The following ARHGEF37 variants were observed in gnomAD, a reference collection of about 807,000 sequenced individuals.
ARHGEF37 encodes Rho guanine nucleotide exchange factor 37.
Under a neutral mutation model 71.1 loss-of-function variants are expected in ARHGEF37, and 55 were observed. The observed-to-expected ratio is 0.77, with a 90% CI of 0.62 to 0.97. ARHGEF37 has a LOEUF of 0.97. Ranked by LOEUF, ARHGEF37 falls within the 50% of genes least tolerant of loss-of-function variation. The probability of loss-of-function intolerance (pLI) is 0.00; values close to 1 mark genes in which losing one functional copy is unlikely to be tolerated. For synonymous variants in ARHGEF37, 327 were observed against 350.6 expected, an observed-to-expected ratio of 0.93 and a Z score of 0.75; for missense variants, 765 against 836.8, an observed-to-expected ratio of 0.91 and a Z score of 1.06.
intron 6 of ARHGEF37, 144 bp from the exon 7 acceptor site, chr5:149,618,794 C>A: frequency 1.4e-6 from 1 of 701,732 alleles, no homozygotes; most frequent in Non-Finnish European, 2.6e-6. Context: ...TGAGCTACAC[C>A]ACCCTCTCAG....
chr5:149,601,472 G>A (rs574490206), intron 3 of ARHGEF37, among the ~76,000 whole-genome samples: 1 of 152,270 alleles, frequency 6.6e-6, no homozygotes, highest in Admixed American at 6.5e-5. Flanking sequence ...TTACAGTCAC[G>A]GAATTGTTAG....
chr5:149,562,996 C>T (rs1158642352), intron 1 of ARHGEF37, among the ~76,000 whole-genome samples: 1 of 152,148 alleles, frequency 6.6e-6, no homozygotes, highest in Non-Finnish European at 1.5e-5. Flanking sequence ...CTTGGTGTTC[C>T]ATCAGGGTCT....
In ARHGEF37 at chr5:149,634,527, G is replaced by C. The variant is rs1561815889; in HGVS notation, c.*2336G>C. ...TAAAAATGTATTCAGTAGCACGTGGGTTATGGTTTCTCATAGACCAGGGGA... is the reference window on the plus strand; with the variant it reads ...TAAAAATGTATTCAGTAGCACGTGGCTTATGGTTTCTCATAGACCAGGGGA... On this transcript the variant is annotated 3_prime_UTR_variant, in exon 13 of 13. Coordinates refer to ENST00000333677, the MANE Select transcript of ARHGEF37 (RefSeq NM_001001669.3). 6.6e-6 allele frequency: 1 copy of C among 152,624 alleles called. No individual in the cohort carries two copies. Among genetic ancestry groups the C allele is most frequent in the East Asian group, 1.9e-4 (1 of 5,200 alleles). The allele number at this position is 152,624 out of a possible 1,614,324, so 9.5% of individuals were successfully genotyped here. A position where few individuals can be genotyped will look rare whatever the true frequency, so the allele number is the denominator to read the frequency against.
intron 11 of ARHGEF37, 22 bp downstream of exon 11, chr5:149,627,293 C>A: frequency 6.2e-7 from 1 of 1,604,094 alleles, no homozygotes; most frequent in South Asian, 1.1e-5. Flanking sequence ...TTTGGGAGCC[C>A]TTCTTCTCCT....
At chr5:149,631,882 G>A (rs534275979) in intron 12 of ARHGEF37, 100 bp from the exon 13 acceptor site, 6 of 1,250,278 alleles carry the variant, frequency 4.8e-6, no homozygotes, top group Middle Eastern at 1.9e-4. Context: ...CAATGGGGAC[G>A]AGAGCCAGGT....
intron 1 of ARHGEF37, among the ~76,000 whole-genome samples, chr5:149,594,877 C>T (rs1393554575): frequency 2.0e-5 from 3 of 152,158 alleles, no homozygotes; most frequent in Non-Finnish European, 2.9e-5. Flanking sequence ...ATCTCAGCTA[C>T]TCAGCAATAA....
rs1752541695 is a variant in ARHGEF37 at position 149,621,609 on chromosome 5, A to G, written c.1006-124A>G. ...CCAGAGAAGTTAGATAACATGCTAAAGGTCCCAGCTAGTCAGTGGGAGTTA... is the reference window on the plus strand; with the variant it reads ...CCAGAGAAGTTAGATAACATGCTAAGGGTCCCAGCTAGTCAGTGGGAGTTA... On this transcript the variant is annotated intron_variant, in intron 8 of 12. Transcript: ENST00000333677. 7.9e-6 allele frequency: 7 copies of G among 883,492 alleles called. 1 individual carries two copies. The South Asian group carries it at 1.2e-4, about 15-fold the overall frequency. 54.7% of individuals were successfully genotyped at this position (883,492 alleles called of 1,614,324 possible). A position where few individuals can be genotyped will look rare whatever the true frequency, so the allele number is the denominator to read the frequency against.
chr5:149,596,861 G>T (rs1763562058), intron 1 of ARHGEF37, among the ~76,000 whole-genome samples: 1 of 152,226 alleles, frequency 6.6e-6, no homozygotes, highest in African/African-American at 2.4e-5. Flanking sequence ...CTGGAGTGCA[G>T]TCTGTGAAGG....
intron 4 of ARHGEF37, among the ~76,000 whole-genome samples, chr5:149,615,539 C>T (rs1752351487): frequency 6.6e-6 from 1 of 152,090 alleles, no homozygotes; most frequent in African/African-American, 2.4e-5. Context: ...GATATTATGA[C>T]TTTTTACCCC....
chr5:149,608,977 G>A (rs558220206), intron 3 of ARHGEF37, among the ~76,000 whole-genome samples: 3 of 152,080 alleles, frequency 2.0e-5, no homozygotes, highest in Non-Finnish European at 4.4e-5. Context: ...CTGAGGTCAG[G>A]AATTCAAGAC....
upstream of ARHGEF37, among the ~76,000 whole-genome samples, chr5:149,580,019 G>A (rs1763078050): frequency 1.3e-5 from 2 of 152,040 alleles, no homozygotes; most frequent in South Asian, 4.1e-4. Flanking sequence ...AATCCATAGG[G>A]CTACTTTTTT....
At chr5:149,588,807 G>A (rs1763313521) in intron 1 of ARHGEF37, among the ~76,000 whole-genome samples, 1 of 152,098 alleles carries the variant, frequency 6.6e-6, no homozygotes, top group Non-Finnish European at 1.5e-5. Context: ...TTAAAGCCTT[G>A]GGCAGCTAGC....
chr5:149,591,794 G>C (rs1363966770), intron 1 of ARHGEF37, among the ~76,000 whole-genome samples: 1 of 152,128 alleles, frequency 6.6e-6, no homozygotes, highest in Non-Finnish European at 1.5e-5. Context: ...TTATAAAACA[G>C]ATTTTTGTAT....
At chr5:149,621,545 C>T (rs1198273979) in intron 8 of ARHGEF37, among the ~76,000 whole-genome samples, 188 bp from the exon 9 acceptor site, 1 of 152,224 alleles carries the variant, frequency 6.6e-6, no homozygotes, top group East Asian at 1.9e-4. Context: ...AAGCTCATTA[C>T]ATGCATCGTC....
intron 3 of ARHGEF37, among the ~76,000 whole-genome samples, chr5:149,607,645 G>A (rs1017816592): frequency 1.3e-5 from 2 of 152,028 alleles, no homozygotes; most frequent in Non-Finnish European, 2.9e-5. Flanking sequence ...ATTATCATTG[G>A]TTCTTACAGG....
chr5:149,553,566 T>C (rs1762714769), intron 1 of ARHGEF37, among the ~76,000 whole-genome samples: 1 of 152,162 alleles, frequency 6.6e-6, no homozygotes, highest in Non-Finnish European at 1.5e-5. Flanking sequence ...GGATGAGGTA[T>C]ACATTTAGAC....
chr5:149,574,835 A>C (rs1031200178), intron 1 of ARHGEF37, among the ~76,000 whole-genome samples: 2 of 152,048 alleles, frequency 1.3e-5, no homozygotes, highest in Non-Finnish European at 2.9e-5. Context: ...TCAAAGTTTT[A>C]CTCTTACTTT....
intron 1 of ARHGEF37, among the ~76,000 whole-genome samples, chr5:149,585,496 C>T (rs1370361932): frequency 6.6e-6 from 1 of 152,122 alleles, no homozygotes; most frequent in Non-Finnish European, 1.5e-5. Context: ...AGGCAAAAAA[C>T]ACTACATAGT....
chr5:149,597,738 G>A, intron 1 of ARHGEF37, 21 bp from the exon 2 acceptor site: 2 of 1,511,238 alleles, frequency 1.3e-6, no homozygotes, highest in Non-Finnish European at 1.8e-6. Flanking sequence ...AAGTGAGTGG[G>A]GATGCTTTTG....
Sources: allele counts gnomAD v4.1 joint callset (sites outside exome capture counted in the v4.1 genomes callset), GRCh38; gene constraint gnomAD v4.1.1; transcripts MANE v1.5; gene names NCBI Gene and HGNC (gene_info 2026-07-23, HGNC 2026-07-21).